RIMBP3C: variants seen among roughly 807,000 people sequenced by gnomAD.
RIMBP3C encodes RIMS binding protein 3C, also known as RIMS-binding protein 3C.
chr22:21,546,221 GC>G, the RIMBP3C span: 3 of 382,710 alleles, frequency 7.8e-6, 1 homozygote, highest in Non-Finnish European at 1.4e-5. Flanking sequence ...CCCCCCATTT[GC>G]CCATCCCCAG....
In RIMBP3C at chr22:21,550,846, CGCTCCGCCTCCA is replaced by C; in HGVS notation, c.119_130del (p.Leu40_Glu43del). 2.0e-5 allele frequency: 1 copy of C among 51,076 alleles called. No individual in the cohort carries two copies. Among genetic ancestry groups the C allele is most frequent in the Non-Finnish European group, 3.0e-5 (1 of 33,762 alleles). The allele number at this position is 51,076 out of a possible 1,614,324, so 3.2% of individuals were successfully genotyped here. Reference sequence around the variant, plus strand: ...CCGCCGTTCCGCCCGCCAGCCTGCCCGCTCCGCCTCCAGCTCCGCCCGTAGCTTCTCCAGCTC... The same window carrying C: ...CCGCCGTTCCGCCCGCCAGCCTGCCCGCTCCGCCCGTAGCTTCTCCAGCTC... On this transcript the variant is annotated inframe_deletion, in exon 1 of 1. Coordinates refer to ENST00000433039, the MANE Select transcript of RIMBP3C (RefSeq NM_001128633.2).
chr22:21,545,920 AGT>A lies in RIMBP3C; in HGVS notation c.*135_*136del. The A allele has an allele frequency of 8.6e-7, 1 of 1,165,050 alleles. No homozygotes were observed. The allele number at this position is 1,165,050 out of a possible 1,614,324, so 72.2% of individuals were successfully genotyped here. A position where few individuals can be genotyped will look rare whatever the true frequency, so the allele number is the denominator to read the frequency against. ...TAGGGGACACTTAAGGACTACCATC[AGT>A]TTAACACAGTGGCACTTGGAGCACA... On this transcript the variant is annotated 3_prime_UTR_variant, in exon 1 of 1. Coordinates refer to ENST00000433039, the MANE Select transcript of RIMBP3C (RefSeq NM_001128633.2).
In RIMBP3C at chr22:21,551,278, GACCCTCCCCAGGC is replaced by G; in HGVS notation, c.-315_-303del. The G allele has an allele frequency of 9.2e-6, 1 of 108,328 alleles. No homozygotes were observed. Among genetic ancestry groups the G allele is most frequent in the Non-Finnish European group, 1.5e-5 (1 of 68,924 alleles). 6.7% of individuals were successfully genotyped at this position (108,328 alleles called of 1,614,324 possible). On this transcript the variant is annotated 5_prime_UTR_variant, in exon 1 of 1. An upstream open reading frame in the 5' UTR gains an earlier in-frame stop. Transcript: ENST00000433039. ...CTGCTTCTAGCACCAAGTCCCTTGT[GACCCTCCCCAGGC>G]ACCCTCCCAGGCACTGTGCAGTCCC...
chr22:21,546,067 TGGAG>T, the RIMBP3C span: 1 of 508,738 alleles, frequency 2.0e-6, no homozygotes, highest in Non-Finnish European at 2.9e-6. Context: ...TCAGTGTCCA[TGGAG>T]GGACATGTGA....
In RIMBP3C at chr22:21,551,229, G is replaced by GC; in HGVS notation, c.-254dup. On this transcript the variant is annotated 5_prime_UTR_variant, in exon 1 of 1. An upstream open reading frame in the 5' UTR gains an earlier in-frame stop. Coordinates refer to ENST00000433039, the MANE Select transcript of RIMBP3C (RefSeq NM_001128633.2). ...CATGTCCCTTCCAGGATGCACGGGG[G>GC]CTTTTCCGGTCCCTACACTTTTCCT... The GC allele has an allele frequency of 7.3e-6, 1 of 136,666 alleles. No individual in the cohort carries two copies. Among genetic ancestry groups the GC allele is most frequent in the African/African-American group, 1.8e-4 (1 of 5,434 alleles). 8.5% of individuals were successfully genotyped at this position (136,666 alleles called of 1,614,324 possible).
Position 21,551,224 on chromosome 22 carries a change from CG to C in RIMBP3C, c.-249del. Reference sequence around the variant, plus strand: ...TGGCCCATGTCCCTTCCAGGATGCACGGGGGCTTTTCCGGTCCCTACACTTT... The same window carrying C: ...TGGCCCATGTCCCTTCCAGGATGCACGGGGCTTTTCCGGTCCCTACACTTT... On this transcript the variant is annotated 5_prime_UTR_variant, in exon 1 of 1. An upstream open reading frame in the 5' UTR loses its in-frame stop. Transcript: ENST00000433039. 1 of 128,490 alleles carries C rather than the reference CG, an allele frequency of 7.8e-6. No individual in the cohort carries two copies. Among genetic ancestry groups the C allele is most frequent in the South Asian group, 1.6e-4 (1 of 6,376 alleles). The allele number at this position is 128,490 out of a possible 1,614,324, so 8.0% of individuals were successfully genotyped here.
chr22:21,546,076 A>AC, the RIMBP3C span: 1 of 505,394 alleles, frequency 2.0e-6, no homozygotes, highest in Non-Finnish European at 2.9e-6. Context: ...ATGGAGGGAC[A>AC]TGTGATCCAG....
chr22:21,545,789 CAT>C lies in RIMBP3C; in HGVS notation c.*266_*267del, dbSNP rs1448363507. On this transcript the variant is annotated 3_prime_UTR_variant, in exon 1 of 1. Coordinates refer to ENST00000433039, the MANE Select transcript of RIMBP3C (RefSeq NM_001128633.2). ...AAAAGGCGCTTCTCCGTATACCTGC[CAT>C]AGTTATCAGCAACTTTGAAATGGCT... 1 of 215,136 alleles carries C rather than the reference CAT, an allele frequency of 4.6e-6. No homozygotes were observed. The highest frequency in any genetic ancestry group is 9.0e-6 in the Non-Finnish European group (1 of 111,346). The allele number at this position is 215,136 out of a possible 1,614,324, so 13.3% of individuals were successfully genotyped here. A position where few individuals can be genotyped will look rare whatever the true frequency, so the allele number is the denominator to read the frequency against.
the RIMBP3C span, chr22:21,547,676 C>CT: frequency 3.5e-5 from 4 of 113,406 alleles, no homozygotes; most frequent in Non-Finnish European, 6.5e-5. Context: ...ACCAGGACAC[C>CT]TGGCGAGGCA....
Position 21,547,496 on chromosome 22 carries a change from T to TCTG in RIMBP3C, c.3478_3480dup (p.Gln1160dup). 5.0e-5 allele frequency: 1 copy of TCTG among 20,144 alleles called. No individual in the cohort carries two copies. The highest frequency in any genetic ancestry group is 2.1e-4 in the Non-Finnish European group (1 of 4,828). The allele number at this position is 20,144 out of a possible 1,614,324, so 1.2% of individuals were successfully genotyped here. A position where few individuals can be genotyped will look rare whatever the true frequency, so the allele number is the denominator to read the frequency against. ...AGTGACATGGTTCTCACTGAGACCT[T>TCTG]CTGCCACGTGAGGGGCACCTGTAGC... On this transcript the variant is annotated inframe_insertion, in exon 1 of 1. Coordinates refer to ENST00000433039, the MANE Select transcript of RIMBP3C (RefSeq NM_001128633.2).
chr22:21,546,062 G>GTCCC, the RIMBP3C span: 1 of 523,814 alleles, frequency 1.9e-6, no homozygotes, highest in Non-Finnish European at 2.7e-6. Flanking sequence ...CTTGCTCAGT[G>GTCCC]TCCATGGAGG....
chr22:21,545,896 AG>A lies in RIMBP3C; in HGVS notation c.*160del, dbSNP rs1339567919. 1.4e-5 allele frequency: 18 copies of A among 1,252,344 alleles called. 2 individuals are homozygous for A. In the Admixed American group the frequency reaches 4.8e-4, roughly 33 times the overall value. The allele number at this position is 1,252,344 out of a possible 1,614,324, so 77.6% of individuals were successfully genotyped here. A position where few individuals can be genotyped will look rare whatever the true frequency, so the allele number is the denominator to read the frequency against. On this transcript the variant is annotated 3_prime_UTR_variant, in exon 1 of 1. Transcript: ENST00000433039. ...TTAAGTCCTGCTACTTTCAGAGCCT[AG>A]GGGACACTTAAGGACTACCATCAGT... is the stretch of plus-strand genomic sequence containing the variant.
the RIMBP3C span, chr22:21,546,494 T>TG: frequency 1.1e-5 from 1 of 95,112 alleles, no homozygotes; most frequent in Admixed American, 1.5e-4. Context: ...AAATCATGGG[T>TG]GTCCTGAGAG....
the RIMBP3C span, chr22:21,546,424 ATC>A: frequency 2.3e-5 from 2 of 85,358 alleles, no homozygotes; most frequent in African/African-American, 7.1e-4. Context: ...CCCCACCTCC[ATC>A]TCAGCCACTA....
chr22:21,546,174 GTCTCCT>G lies in RIMBP3C; in HGVS notation c.4797_4802del (p.Gly1600_Asp1601del). ...CCATGGGCCCGTAAACCATGACCAC[GTCTCCT>G]GCCCTCAGCGCCAGCCTGCCCTTCC... On this transcript the variant is annotated inframe_deletion, in exon 1 of 1. Coordinates refer to ENST00000433039, the MANE Select transcript of RIMBP3C (RefSeq NM_001128633.2). 2.2e-6 allele frequency: 1 copy of G among 463,862 alleles called. No individual in the cohort carries two copies. The allele number at this position is 463,862 out of a possible 1,614,324, so 28.7% of individuals were successfully genotyped here. A position where few individuals can be genotyped will look rare whatever the true frequency, so the allele number is the denominator to read the frequency against.
At chr22:21,550,794 C>CG in the RIMBP3C span, 2 of 123,848 alleles carry the variant, frequency 1.6e-5, no homozygotes, top group Non-Finnish European at 2.5e-5. Context: ...CCTCCTCACG[C>CG]AGCTGGCGCT....
At chr22:21,546,063 TC>T in the RIMBP3C span, 1 of 527,188 alleles carries the variant, frequency 1.9e-6, no homozygotes, top group Non-Finnish European at 2.7e-6. Flanking sequence ...TTGCTCAGTG[TC>T]CATGGAGGGA....
the RIMBP3C span, chr22:21,547,079 GC>G: frequency 5.9e-4 from 28 of 47,142 alleles, no homozygotes; most frequent in Non-Finnish European, 9.3e-4. Context: ...ACTGAAGGTG[GC>G]CTGTGGTTCT....
the RIMBP3C span, chr22:21,547,757 A>ATCTCGGT: frequency 2.6e-5 from 1 of 37,866 alleles, no homozygotes; most frequent in Non-Finnish European, 6.9e-5. Flanking sequence ...GTGACGGTGG[A>ATCTCGGT]GGACATAGTT....
Sources: gnomAD v4.1 joint callset for allele counts on GRCh38, gnomAD v4.1.1 for gene constraint, MANE v1.5 for transcripts, NCBI Gene and HGNC (gene_info 2026-07-23, HGNC 2026-07-21) for gene names.